The following STAU2 variants were observed in gnomAD, a reference collection of about 807,000 sequenced individuals.
STAU2 encodes the protein double-stranded RNA-binding protein Staufen homolog 2.
A neutral mutation model predicts 65.9 loss-of-function variants in STAU2; 20 were observed. The observed-to-expected ratio is 0.30, with a 90% confidence interval of 0.21 to 0.44. The LOEUF (loss-of-function observed/expected upper bound fraction) is 0.44, where lower values mean the gene tolerates loss of function less well. Among genes scored for constraint, STAU2 ranks in the 20% least tolerant of loss-of-function variants. The pLI, the probability that STAU2 is intolerant of heterozygous loss-of-function variation, is 1.00. For missense variants in STAU2, 558 were observed against 683.9 expected (o/e 0.82, Z 2.05); for synonymous variants, 232 against 233.9 (o/e 0.99, Z 0.07).
chr8:73,720,179 T>C (rs974397461), intron 3 of STAU2, among the ~76,000 whole-genome samples: 1 of 150,804 alleles, frequency 6.6e-6, no homozygotes, highest in Admixed American at 6.6e-5. Context: ...GCTAGGAGGC[T>C]GAAGTGGGAA....
chr8:73,588,708 T>C (rs764030175), intron 11 of STAU2, among the ~76,000 whole-genome samples: 92 of 151,790 alleles, frequency 6.1e-4, no homozygotes, highest in Non-Finnish European at 1.1e-3. Context: ...TATATGCTCC[T>C]GGGGAAAAAA....
At position 73,738,723 on chromosome 8, in the gene STAU2, T is replaced by C. The variant is rs527842587; in HGVS notation, c.-83-374A>G. ...CAAAAGTGAAGCTGTTAAAAATAAA[T>C]CTGAGAGTTTCAGGTTAATATTTAA... On this transcript the variant is annotated intron_variant, in intron 2 of 14. Transcript: ENST00000524300. 1.2e-3 allele frequency among the ~76,000 whole-genome samples: 187 copies of C among 152,282 alleles called. 2 individuals are homozygous for C. Among genetic ancestry groups the C allele is most frequent in the Non-Finnish European group, 1.7e-3 (116 of 68,022 alleles).
At position 73,425,801 on chromosome 8, in the gene STAU2, C is replaced by CT. The variant is rs1288317026; in HGVS notation, c.1531-3100dup. ...TCCATATCACTTGTTTTTTTTCTCT[C>CT]TTTTTTTTTGAGATGGAGTCTTACT... is the stretch of plus-strand genomic sequence containing the variant. On this transcript the variant is annotated intron_variant, in intron 13 of 14. Transcript: ENST00000524300. Among the ~76,000 whole-genome samples, 13 of 151,378 alleles carry CT rather than the reference C, an allele frequency of 8.6e-5. No homozygotes were observed. The South Asian group carries it at 1.0e-3, about 12-fold the overall frequency.
At chr8:73,718,770 T>C (rs1821436206) in intron 3 of STAU2, among the ~76,000 whole-genome samples, 2 of 152,248 alleles carry the variant, frequency 1.3e-5, no homozygotes, top group Non-Finnish European at 2.9e-5. Context: ...GTTAGACTTA[T>C]CTCTAAGTAG....
intron 4 of STAU2, among the ~76,000 whole-genome samples, chr8:73,695,742 C>G (rs557899331): frequency 3.3e-5 from 5 of 152,214 alleles, no homozygotes; most frequent in African/African-American, 1.2e-4. Flanking sequence ...GCCCATGGAC[C>G]AGTGGTGGTG....
At chr8:73,609,527 A>C (rs1475348579) in intron 9 of STAU2, among the ~76,000 whole-genome samples, 1 of 151,728 alleles carries the variant, frequency 6.6e-6, no homozygotes, top group Non-Finnish European at 1.5e-5. Flanking sequence ...GGTGGTGTGC[A>C]CCTGTAATCC....
At chr8:73,647,308 TA>T (rs1309379568) in intron 6 of STAU2, among the ~76,000 whole-genome samples, 2 of 152,214 alleles carry the variant, frequency 1.3e-5, no homozygotes, top group Admixed American at 1.3e-4. Flanking sequence ...TATGTATAGC[TA>T]AAAACTGAAG....
At chr8:73,538,321 C>T (rs1806315517) in intron 13 of STAU2, among the ~76,000 whole-genome samples, 2 of 151,932 alleles carry the variant, frequency 1.3e-5, no homozygotes, top group Admixed American at 1.3e-4. Context: ...AGTTTAAAAT[C>T]CCTTTTTAAG....
chr8:73,723,551 C>G (rs1821828343), intron 3 of STAU2, among the ~76,000 whole-genome samples: 1 of 152,206 alleles, frequency 6.6e-6, no homozygotes, highest in Non-Finnish European at 1.5e-5. Flanking sequence ...CCACAGCTCA[C>G]TGACTTTTTT....
At chr8:73,583,524 T>C (rs1810146209) in intron 11 of STAU2, among the ~76,000 whole-genome samples, 2 of 152,158 alleles carry the variant, frequency 1.3e-5, no homozygotes, top group South Asian at 2.1e-4. Context: ...TTTTGTATGA[T>C]TCCCGAGGTC....
intron 13 of STAU2, among the ~76,000 whole-genome samples, chr8:73,535,615 A>T (rs1306316224): frequency 2.6e-5 from 4 of 152,202 alleles, no homozygotes; most frequent in African/African-American, 4.8e-5. Context: ...ATTCTTTAAC[A>T]GTTTCATGTC....
chr8:73,688,165 C>T (rs1819072985), intron 5 of STAU2, among the ~76,000 whole-genome samples: 1 of 151,000 alleles, frequency 6.6e-6, no homozygotes, highest in Non-Finnish European at 1.5e-5. Flanking sequence ...CTTTCTTCAT[C>T]CTCTCACCTT....
rs562824469 is a variant in STAU2, at chr8:73,671,039, A to G, written c.410+2068T>C. 4.6e-5 allele frequency among the ~76,000 whole-genome samples: 7 copies of G among 152,308 alleles called. No individual in the cohort carries two copies. The East Asian group carries it at 1.3e-3, about 29-fold the overall frequency. On this transcript the variant is annotated intron_variant, in intron 6 of 14. Transcript: ENST00000524300. ...AAACTGGTGAAGCAATGGAATAAAA[A>G]TCAGCAAATTAAAATAGACAAATCA...
chr8:73,571,295 T>C (rs1476169752), intron 12 of STAU2, among the ~76,000 whole-genome samples: 1 of 152,146 alleles, frequency 6.6e-6, no homozygotes, highest in Admixed American at 6.5e-5. Flanking sequence ...ACAATAATAA[T>C]GGGAGACTTT....
At chr8:73,646,865 C>G (rs573710428) in intron 6 of STAU2, among the ~76,000 whole-genome samples, 1 of 150,598 alleles carries the variant, frequency 6.6e-6, no homozygotes, top group East Asian at 1.9e-4. Flanking sequence ...TCTCAAAACT[C>G]AACAGTAAAA....
intron 4 of STAU2, among the ~76,000 whole-genome samples, chr8:73,701,621 C>T (rs143128239): frequency 5.8e-4 from 89 of 152,212 alleles, no homozygotes; most frequent in African/African-American, 1.9e-3. Context: ...TACCCTCATA[C>T]GTTGTTAGCA....
intron 13 of STAU2, among the ~76,000 whole-genome samples, chr8:73,515,540 C>G (rs1041548181): frequency 2.3e-4 from 35 of 152,120 alleles, no homozygotes; most frequent in African/African-American, 7.0e-4. Flanking sequence ...ATCAGTTAAA[C>G]AGCAAAAGAT....
intron 6 of STAU2, among the ~76,000 whole-genome samples, chr8:73,635,690 T>C (rs1814440551): frequency 6.6e-6 from 1 of 151,908 alleles, no homozygotes; most frequent in Admixed American, 6.6e-5. Flanking sequence ...CCAGGCATGG[T>C]GGCAGGCAAC....
chr8:73,532,234 C>T (rs1376596982), intron 13 of STAU2, among the ~76,000 whole-genome samples: 1 of 150,822 alleles, frequency 6.6e-6, no homozygotes, highest in African/African-American at 2.5e-5. Context: ...TGACAGATAG[C>T]AGTCCCTGAA....
Sources: allele counts gnomAD v4.1 joint callset (sites outside exome capture counted in the v4.1 genomes callset), GRCh38; gene constraint gnomAD v4.1.1; transcripts MANE v1.5; gene names NCBI Gene and HGNC (gene_info 2026-07-23, HGNC 2026-07-21).